COL4A2: variants seen among roughly 807,000 people sequenced by gnomAD.
COL4A2 encodes the protein collagen alpha-2(IV) chain.
A neutral mutation model predicts 200.2 loss-of-function variants in COL4A2; 99 were observed. The observed-to-expected ratio is 0.49, with a 90% confidence interval of 0.42 to 0.58. The LOEUF (loss-of-function observed/expected upper bound fraction) is 0.58. COL4A2 is among the 20% of genes least tolerant of loss of function. The pLI, the probability that COL4A2 is intolerant of heterozygous loss-of-function variation, is 0.00. For missense variants in COL4A2, 1,950 were observed against 2,314.1 expected (o/e 0.84, Z 3.23); for synonymous variants, 897 against 900.6 (o/e 1.00, Z 0.07).
intron 29 of COL4A2, among the ~76,000 whole-genome samples, chr13:110,474,515 A>T (rs1457557764): frequency 1.3e-5 from 2 of 152,092 alleles, no homozygotes; most frequent in African/African-American, 4.8e-5. Flanking sequence ...GTTCACTGAG[A>T]GAGCAAGGAA....
At chr13:110,487,548 A>G (rs1418928021) in intron 34 of COL4A2, among the ~76,000 whole-genome samples, 1 of 152,264 alleles carries the variant, frequency 6.6e-6, no homozygotes, top group Non-Finnish European at 1.5e-5. Context: ...AAACTAGGAA[A>G]CAGCCCAAAT....
chr13:110,509,248 T>TATATATATATAC (rs1883992226), intron 47 of COL4A2, among the ~76,000 whole-genome samples: 1 of 109,020 alleles, frequency 9.2e-6, no homozygotes, highest in South Asian at 3.0e-4. Context: ...TCATAAATTA[T>TATATATATATAC]ATATATATAT....
intron 13 of COL4A2, among the ~76,000 whole-genome samples, chr13:110,437,693 C>T (rs547157368): frequency 3.9e-5 from 6 of 152,166 alleles, no homozygotes; most frequent in South Asian, 4.1e-4. Flanking sequence ...TCCCACCATA[C>T]GGATGTAAAC....
At chr13:110,476,857 GA>G (rs1163524499) in intron 29 of COL4A2, among the ~76,000 whole-genome samples, 1 of 151,980 alleles carries the variant, frequency 6.6e-6, no homozygotes, top group East Asian at 1.9e-4. Context: ...ATGAAGAGAA[GA>G]AATCACACAT....
In COL4A2 at chr13:110,413,377, G is replaced by A. The variant is rs190667998; in HGVS notation, c.181-11357G>A. On this transcript the variant is annotated intron_variant, in intron 4 of 47. Transcript: ENST00000360467. ...AGGGCCTCGCGGTCTCACGTGAAAT[G>A]TGGGTACAGAGATGTAGTATGGCAG... is the stretch of plus-strand genomic sequence containing the variant. Among the ~76,000 whole-genome samples, 25 of 152,328 alleles carry A rather than the reference G, an allele frequency of 1.6e-4. No homozygotes were observed. In the East Asian group the frequency reaches 3.9e-3, roughly 23 times the overall value.
intron 24 of COL4A2, among the ~76,000 whole-genome samples, chr13:110,465,158 G>C (rs1182434666): frequency 6.6e-6 from 1 of 152,194 alleles, no homozygotes; most frequent in Non-Finnish European, 1.5e-5. Context: ...TGGGAAGAGA[G>C]AAATGCTCAA....
chr13:110,326,544 A>G (rs1885418918), intron 3 of COL4A2, among the ~76,000 whole-genome samples: 1 of 152,080 alleles, frequency 6.6e-6, no homozygotes, highest in African/African-American at 2.4e-5. Flanking sequence ...GGCCCCAGGA[A>G]TTGTGGAAAC....
chr13:110,482,140 C>T (rs1882956184), intron 31 of COL4A2, among the ~76,000 whole-genome samples: 1 of 152,222 alleles, frequency 6.6e-6, no homozygotes, highest in African/African-American at 2.4e-5. Flanking sequence ...TCCTGTGTCG[C>T]ATCTCCATGC....
intron 3 of COL4A2, among the ~76,000 whole-genome samples, chr13:110,352,472 T>C (rs1467217593): frequency 1.3e-5 from 2 of 152,238 alleles, no homozygotes; most frequent in Non-Finnish European, 2.9e-5. Context: ...GCAGGAGCAA[T>C]GTCTAATCTG....
At chr13:110,482,762 T>G in intron 32 of COL4A2, 103 bp downstream of exon 32, 10 of 1,254,244 alleles carry the variant, frequency 8.0e-6, no homozygotes, top group Non-Finnish European at 1.1e-5. Flanking sequence ...TGAAAACCCA[T>G]GCATCCAGGA....
At chr13:110,356,365 C>T (rs1052504006) in intron 3 of COL4A2, among the ~76,000 whole-genome samples, 6 of 152,154 alleles carry the variant, frequency 3.9e-5, no homozygotes, top group Admixed American at 1.3e-4. Flanking sequence ...CTTCCTCTGC[C>T]GACACCCCTC....
intron 39 of COL4A2, 118 bp from the exon 40 acceptor site, chr13:110,495,224 C>A (rs952731965): frequency 1.6e-6 from 2 of 1,217,762 alleles, no homozygotes; most frequent in Admixed American, 3.4e-5. Context: ...AAGCTGAAAT[C>A]ACCATGGCTG....
chr13:110,464,467 C>G (rs556787244), intron 24 of COL4A2, among the ~76,000 whole-genome samples: 2 of 152,298 alleles, frequency 1.3e-5, no homozygotes, highest in Non-Finnish European at 2.9e-5. Flanking sequence ...CACTGCTGTC[C>G]ACTAAGTTTG....
intron 4 of COL4A2, among the ~76,000 whole-genome samples, chr13:110,381,191 T>C (rs1878475640): frequency 6.7e-6 from 1 of 149,734 alleles, no homozygotes; most frequent in African/African-American, 2.5e-5. Flanking sequence ...ATCCTCGGTC[T>C]CTATCTCATA....
rs767000579 is a variant in COL4A2, at chr13:110,424,640, C to CAAACAA, written c.181-91_181-90insCAAAAA. On this transcript the variant is annotated intron_variant, in intron 4 of 47. Coordinates refer to ENST00000360467, the MANE Select transcript of COL4A2 (RefSeq NM_001846.4). ...CCTGTAGATTATAGCTCTTTAAAAACAAAAAAAAAAATGTAGTTTTGAAAG... is the reference window on the plus strand; with the variant it reads ...CCTGTAGATTATAGCTCTTTAAAAACAAACAAAAAAAAAAAAATGTAGTTTTGAAAG... The CAAACAA allele has an allele frequency of 5.7e-6, 4 of 699,368 alleles. No homozygotes were observed. The East Asian group carries it at 9.0e-5, about 16-fold the overall frequency. The allele number at this position is 699,368 out of a possible 1,614,324, so 43.3% of individuals were successfully genotyped here. A position where few individuals can be genotyped will look rare whatever the true frequency, so the allele number is the denominator to read the frequency against.
chr13:110,310,778 A>T (rs542627077), intron 3 of COL4A2, among the ~76,000 whole-genome samples: 45 of 152,272 alleles, frequency 3.0e-4, no homozygotes, highest in African/African-American at 9.4e-4. Context: ...AGCCTTGGTG[A>T]TTACTTATTG....
intron 6 of COL4A2, among the ~76,000 whole-genome samples, chr13:110,427,933 C>T (rs1246458856): frequency 2.0e-5 from 3 of 152,216 alleles, no homozygotes; most frequent in East Asian, 3.8e-4. Context: ...TGTGTCTTCT[C>T]TGTTTAGGAT....
chr13:110,410,139 G>A lies in COL4A2; in HGVS notation c.181-14595G>A, dbSNP rs769379569. ...AATTGGGATCTGGCTTTTACTGTCC[G>A]CCATTTAACCTTCCTCACACCAAGC... On this transcript the variant is annotated intron_variant, in intron 4 of 47. Coordinates refer to ENST00000360467, the MANE Select transcript of COL4A2 (RefSeq NM_001846.4). 4.6e-5 allele frequency among the ~76,000 whole-genome samples: 7 copies of A among 152,118 alleles called. No individual in the cohort carries two copies. In the South Asian group the frequency reaches 1.0e-3, roughly 23 times the overall value.
chr13:110,320,972 A>T (rs1005085594), intron 3 of COL4A2, among the ~76,000 whole-genome samples: 10 of 152,140 alleles, frequency 6.6e-5, no homozygotes, highest in Non-Finnish European at 1.2e-4. Context: ...TTTCACATTT[A>T]AAAAAATTAC....
Sources: allele counts gnomAD v4.1 joint callset (sites outside exome capture counted in the v4.1 genomes callset), GRCh38; gene constraint gnomAD v4.1.1; transcripts MANE v1.5; gene names NCBI Gene and HGNC (gene_info 2026-07-23, HGNC 2026-07-21).